The following GPC5 variants were observed in gnomAD, a reference collection of about 807,000 sequenced individuals.
The protein encoded by GPC5 is glypican 5, also known as glypican-5.
GPC5 carries 47 observed loss-of-function variants against 53.9 expected under a neutral mutation model. That is an observed-to-expected ratio of 0.87 (90% CI 0.69 to 1.11). The LOEUF is 1.11. GPC5 is among the 50% of genes most tolerant of loss of function. The pLI, the probability that GPC5 is intolerant of heterozygous loss-of-function variation, is 0.00. For missense variants in GPC5, 748 were observed against 713.1 expected (o/e 1.05, Z -0.56); for synonymous variants, 286 against 263.3 (o/e 1.09, Z -0.84).
intron 6 of GPC5, among the ~76,000 whole-genome samples, chr13:92,092,667 A>G (rs1349952988): frequency 6.6e-6 from 1 of 152,214 alleles, no homozygotes; most frequent in Non-Finnish European, 1.5e-5. Context: ...TTTTTTCTCC[A>G]GAATTGACTT....
chr13:92,529,908 C>T (rs1881493837), intron 7 of GPC5, among the ~76,000 whole-genome samples: 1 of 152,022 alleles, frequency 6.6e-6, no homozygotes, highest in African/African-American at 2.4e-5. Flanking sequence ...CATGGAAGAA[C>T]CCCGTCTCTA....
chr13:92,406,490 A>T (rs1324993246), intron 7 of GPC5, among the ~76,000 whole-genome samples: 1 of 152,182 alleles, frequency 6.6e-6, no homozygotes, highest in Non-Finnish European at 1.5e-5. Context: ...ACTGGGAAAA[A>T]GACACCGAGT....
Position 91,886,987 on chromosome 13 carries a change from C to A in GPC5, c.1281-20950C>A, listed in dbSNP as rs566598136. On this transcript the variant is annotated intron_variant, in intron 5 of 7. Transcript: ENST00000377067. ...CTCACAGCTTCACTAGGCAGCGCCC[C>A]AGTAAGGATTCTGTGTGGGGGACAG... 2.0e-3 allele frequency among the ~76,000 whole-genome samples: 298 copies of A among 152,276 alleles called. 2 individuals are homozygous for A. Among genetic ancestry groups the A allele is most frequent in the Non-Finnish European group, 2.8e-3 (192 of 68,004 alleles).
intron 5 of GPC5, among the ~76,000 whole-genome samples, chr13:91,834,102 C>A (rs762673530): frequency 1.3e-4 from 20 of 152,056 alleles, no homozygotes; most frequent in Middle Eastern, 3.4e-3. Flanking sequence ...CACCAAATAA[C>A]AAACACACAG....
At chr13:92,454,089 A>G (rs1277686584) in intron 7 of GPC5, among the ~76,000 whole-genome samples, 2 of 152,206 alleles carry the variant, frequency 1.3e-5, no homozygotes, top group Non-Finnish European at 2.9e-5. Context: ...TCATGGTTAA[A>G]CCTATCTATG....
intron 2 of GPC5, among the ~76,000 whole-genome samples, chr13:91,506,783 T>C (rs1002767782): frequency 6.6e-6 from 1 of 152,172 alleles, no homozygotes; most frequent in African/African-American, 2.4e-5. Context: ...TATTTATGGA[T>C]GACTTTGATT....
At chr13:92,387,573 T>A (rs2139319275) in intron 7 of GPC5, among the ~76,000 whole-genome samples, 1 of 152,188 alleles carries the variant, frequency 6.6e-6, no homozygotes, top group African/African-American at 2.4e-5. Flanking sequence ...AAAGAGCTGG[T>A]TCTCTAAAGT....
At chr13:92,551,285 C>A in intron 7 of GPC5, among the ~76,000 whole-genome samples, 1 of 147,206 alleles carries the variant, frequency 6.8e-6, no homozygotes, top group African/African-American at 2.5e-5. Context: ...AATCTAAAAC[C>A]AGGCAGCCAA....
intron 7 of GPC5, among the ~76,000 whole-genome samples, chr13:92,692,408 G>A (rs902021278): frequency 6.6e-6 from 1 of 151,580 alleles, no homozygotes; most frequent in African/African-American, 2.4e-5. Flanking sequence ...TGATTGCTGG[G>A]TCAAATGGTA....
intron 7 of GPC5, among the ~76,000 whole-genome samples, chr13:92,622,372 G>C (rs915298753): frequency 1.3e-5 from 2 of 152,108 alleles, no homozygotes; most frequent in African/African-American, 2.4e-5. Flanking sequence ...GATGCTGCAC[G>C]CTCCATTTTT....
At chr13:92,677,739 G>A (rs1255955693) in intron 7 of GPC5, among the ~76,000 whole-genome samples, 2 of 152,036 alleles carry the variant, frequency 1.3e-5, no homozygotes, top group East Asian at 1.9e-4. Flanking sequence ...GAAGAGCAAA[G>A]CCTGGAATGG....
At chr13:91,501,330 G>T (rs945640594) in intron 2 of GPC5, among the ~76,000 whole-genome samples, 1 of 141,508 alleles carries the variant, frequency 7.1e-6, no homozygotes, top group Non-Finnish European at 1.5e-5. Flanking sequence ...GTGCCATGTT[G>T]GTGTGCTGCA....
intron 4 of GPC5, among the ~76,000 whole-genome samples, chr13:91,733,345 G>C (rs2036743649): frequency 6.6e-6 from 1 of 152,140 alleles, no homozygotes; most frequent in African/African-American, 2.4e-5. Context: ...ATGTTCGCCA[G>C]GCTGGTCTCA....
intron 7 of GPC5, among the ~76,000 whole-genome samples, chr13:92,280,915 C>T (rs2042910335): frequency 6.6e-6 from 1 of 152,148 alleles, no homozygotes; most frequent in African/African-American, 2.4e-5. Flanking sequence ...ACAATGGGTG[C>T]AGCCCAGCAA....
intron 7 of GPC5, among the ~76,000 whole-genome samples, chr13:92,419,323 G>T (rs917883536): frequency 6.6e-6 from 1 of 152,004 alleles, no homozygotes; most frequent in Non-Finnish European, 1.5e-5. Context: ...GCTTATTCTG[G>T]TCATAGCAAG....
At chr13:92,471,002 A>T (rs1469582683) in intron 7 of GPC5, among the ~76,000 whole-genome samples, 1 of 152,048 alleles carries the variant, frequency 6.6e-6, no homozygotes, top group Non-Finnish European at 1.5e-5. Context: ...GTATCAGAGG[A>T]TGTAGGAGAT....
intron 6 of GPC5, among the ~76,000 whole-genome samples, chr13:91,946,556 A>T (rs2039976145): frequency 3.3e-5 from 5 of 152,106 alleles, no homozygotes; most frequent in Admixed American, 3.3e-4. Context: ...CTTTTTTGGT[A>T]ATCAATTCTG....
At chr13:91,829,777 T>C (rs2038627356) in intron 5 of GPC5, among the ~76,000 whole-genome samples, 1 of 152,066 alleles carries the variant, frequency 6.6e-6, no homozygotes, top group Admixed American at 6.6e-5. Flanking sequence ...GGTTCCGTGA[T>C]GCCCCACAAG....
intron 7 of GPC5, among the ~76,000 whole-genome samples, chr13:92,341,539 A>C (rs890476581): frequency 1.3e-5 from 2 of 152,148 alleles, no homozygotes; most frequent in Non-Finnish European, 2.9e-5. Flanking sequence ...TACAGAAAAA[A>C]ATGTAAATTT....
Sources: allele counts gnomAD v4.1 joint callset (sites outside exome capture counted in the v4.1 genomes callset), GRCh38; gene constraint gnomAD v4.1.1; transcripts MANE v1.5; gene names NCBI Gene and HGNC (gene_info 2026-07-23, HGNC 2026-07-21).